Variants in PCDHGA6 observed in about 807,000 individuals in gnomAD.
PCDHGA6 encodes protocadherin gamma subfamily A, 6.
In PCDHGA6, 41 loss-of-function variants were observed where a neutral mutation model predicts 60.6. The ratio of observed to expected loss-of-function variants is 0.68; its 90% confidence interval spans 0.53 to 0.88. The LOEUF (loss-of-function observed/expected upper bound fraction) is 0.88. PCDHGA6 is among the 40% of genes least tolerant of loss of function. PCDHGA6 has a pLI of 0.00. For missense variants in PCDHGA6, 1,312 were observed against 1,203.0 expected (o/e 1.09, Z -1.34); for synonymous variants, 594 against 524.4 (o/e 1.13, Z -1.81).
intron 1 of PCDHGA6, chr5:141,390,071 C>G (rs1322880756): frequency 1.2e-6 from 2 of 1,614,084 alleles, no homozygotes; most frequent in Non-Finnish European, 1.7e-6. Flanking sequence ...AGCCTGGTCT[C>G]TGTGTTAAAT....
Position 141,491,737 on chromosome 5 carries a change from G to C in PCDHGA6, c.2425-3070G>C, listed in dbSNP as rs548808722. 1.2e-6 allele frequency: 2 copies of C among 1,600,586 alleles called. No homozygotes were observed. The highest frequency in any genetic ancestry group is 2.7e-5 in the African/African-American group (2 of 74,486). On this transcript the variant is annotated intron_variant, in intron 1 of 3. Transcript: ENST00000517434. The surrounding 1 kb of genome is among the most constrained non-coding windows in gnomAD (Gnocchi z 6.9). ...GGCGCCGCCCCGGGCGACCCCTGGG[G>C]GCGGCACTGGAGAAGCCGCCCGTCC...
intron 1 of PCDHGA6, among the ~76,000 whole-genome samples, chr5:141,438,564 T>A (rs1192918137): frequency 1.5e-5 from 2 of 137,114 alleles, no homozygotes; most frequent in Non-Finnish European, 3.1e-5. Flanking sequence ...AAGAGGCAGC[T>A]GTCTGATATA....
intron 1 of PCDHGA6, among the ~76,000 whole-genome samples, chr5:141,475,097 T>C (rs180692931): frequency 6.6e-6 from 1 of 152,370 alleles, no homozygotes; most frequent in East Asian, 1.9e-4. Context: ...TTTATAAAGA[T>C]CCTAGGTGGT....
intron 1 of PCDHGA6, chr5:141,399,447 C>CAT: frequency 6.2e-7 from 1 of 1,614,006 alleles, no homozygotes; most frequent in Non-Finnish European, 8.5e-7. Flanking sequence ...ATATCAGAGA[C>CAT]GTCAACGATA....
rs768509409 is a variant in PCDHGA6 at position 141,489,236 on chromosome 5, G to C, written c.2425-5571G>C. 1 of 1,531,176 alleles carries C rather than the reference G, an allele frequency of 6.5e-7. No homozygotes were observed. 94.8% of individuals were successfully genotyped at this position (1,531,176 alleles called of 1,614,324 possible). On this transcript the variant is annotated intron_variant, in intron 1 of 3. Transcript: ENST00000517434. The surrounding 1 kb of genome is among the most constrained non-coding windows in gnomAD (Gnocchi z 4.5). The stretch of plus-strand genomic sequence containing the variant: ...ACTTACTCTCCACAAAGGGACTTCT[G>C]GGTCATGGGGCCCAAGACACTCCCA...
rs1262043820 is a variant in PCDHGA6, at chr5:141,415,755, T to TTG, written c.2424+39249_2424+39250insGT. Reference sequence around the variant, plus strand: ...GTTTATTAAGGTTTTTTTTTTTTTTTTTTTTTTTTTTTTTTTTACTTTCTG... The same window carrying TTG: ...GTTTATTAAGGTTTTTTTTTTTTTTTTGTTTTTTTTTTTTTTTTTACTTTCTG... On this transcript the variant is annotated intron_variant, in intron 1 of 3. Transcript: ENST00000517434. 56 of 1,387,630 alleles carry TTG rather than the reference T, an allele frequency of 4.0e-5. No individual in the cohort carries two copies. The African/African-American group carries it at 7.5e-4, about 19-fold the overall frequency. The allele number at this position is 1,387,630 out of a possible 1,614,324, so 86.0% of individuals were successfully genotyped here. A position where few individuals can be genotyped will look rare whatever the true frequency, so the allele number is the denominator to read the frequency against.
intron 1 of PCDHGA6, among the ~76,000 whole-genome samples, chr5:141,381,770 A>G (rs1309418172): frequency 1.3e-5 from 2 of 151,484 alleles, no homozygotes; most frequent in Non-Finnish European, 2.9e-5. Flanking sequence ...TATATAATCA[A>G]TAATCAGGAA....
Position 141,485,616 on chromosome 5 carries a change from C to T in PCDHGA6, c.2425-9191C>T. On this transcript the variant is annotated intron_variant, in intron 1 of 3. Coordinates refer to ENST00000517434, the MANE Select transcript of PCDHGA6 (RefSeq NM_018919.3). This position sits in a 1 kb window ranked among gnomAD's most constrained non-coding sequence, Gnocchi z 5.7. ...TTGGAAATTGGGGAGGCAGCTCCTCCAGGACAGCGTTTCCCGTTGGAAAAG... is the reference window on the plus strand; with the variant it reads ...TTGGAAATTGGGGAGGCAGCTCCTCTAGGACAGCGTTTCCCGTTGGAAAAG... 1 of 1,612,210 alleles carries T rather than the reference C, an allele frequency of 6.2e-7. No individual in the cohort carries two copies.
intron 1 of PCDHGA6, chr5:141,404,208 A>G (rs1411239715): frequency 6.2e-7 from 1 of 1,613,782 alleles, no homozygotes; most frequent in Admixed American, 1.7e-5. Flanking sequence ...TCAGAATATA[A>G]TATCACGGTG....
chr5:141,376,609 C>A, intron 1 of PCDHGA6, 102 bp downstream of exon 1: 3 of 1,478,318 alleles, frequency 2.0e-6, no homozygotes, highest in Non-Finnish European at 2.8e-6. Flanking sequence ...AGAAGCGAAC[C>A]TCTTTTGGTA....
chr5:141,412,569 T>C (rs1469611879), intron 1 of PCDHGA6: 3 of 152,228 alleles, frequency 2.0e-5, no homozygotes, highest in Admixed American at 6.5e-5. Flanking sequence ...GTTTATTTAA[T>C]ATAATCTTTG....
rs1384424498 is a variant in PCDHGA6, at chr5:141,431,677, G to A, written c.2424+55170G>A. On this transcript the variant is annotated intron_variant, in intron 1 of 3. Coordinates refer to ENST00000517434, the MANE Select transcript of PCDHGA6 (RefSeq NM_018919.3). This position sits in a 1 kb window ranked among gnomAD's most constrained non-coding sequence, Gnocchi z 4.8. The stretch of plus-strand genomic sequence containing the variant: ...CAGGGACAATATCAACAATAGGGGA[G>A]TTGGACCACGAGGAGTCAGGATTCT... 2 of 1,614,236 alleles carry A rather than the reference G, an allele frequency of 1.2e-6. No homozygotes were observed. The highest frequency in any genetic ancestry group is 1.7e-6 in the Non-Finnish European group (2 of 1,180,050).
chr5:141,490,584 T>G lies in PCDHGA6; in HGVS notation c.2425-4223T>G, dbSNP rs751060540. 1 of 1,614,170 alleles carries G rather than the reference T, an allele frequency of 6.2e-7. No individual in the cohort carries two copies. Among genetic ancestry groups the G allele is most frequent in the South Asian group, 1.1e-5 (1 of 91,080 alleles). ...TCAGGCTCAACATTTCAGATGTCAA[T>G]GACAATGCACCCCGCTTCAACCAGC... On this transcript the variant is annotated intron_variant, in intron 1 of 3. Transcript: ENST00000517434. This position sits in a 1 kb window ranked among gnomAD's most constrained non-coding sequence, Gnocchi z 5.4.
Position 141,490,046 on chromosome 5 carries a change from C to A in PCDHGA6, c.2425-4761C>A, listed in dbSNP as rs2099695274. ...CTGCTCCGCCTCAATGCCACTGATC[C>A]AGACGAGGGCACCAACGGCCAACTA... On this transcript the variant is annotated intron_variant, in intron 1 of 3. Transcript: ENST00000517434. This position sits in a 1 kb window ranked among gnomAD's most constrained non-coding sequence, Gnocchi z 5.4. 1 of 1,614,094 alleles carries A rather than the reference C, an allele frequency of 6.2e-7. No individual in the cohort carries two copies.
At chr5:141,421,767 C>T in intron 1 of PCDHGA6, 2 of 1,613,906 alleles carry the variant, frequency 1.2e-6, no homozygotes, top group South Asian at 1.1e-5. Context: ...ATTACTTTTC[C>T]TTGCAACTGC....
At chr5:141,400,017 C>T in intron 1 of PCDHGA6, 1 of 1,612,778 alleles carries the variant, frequency 6.2e-7, no homozygotes. Context: ...CCTTGGGCGA[C>T]AGGGACGCGG....
At chr5:141,465,714 C>T (rs1015102102) in intron 1 of PCDHGA6, among the ~76,000 whole-genome samples, 4 of 152,200 alleles carry the variant, frequency 2.6e-5, no homozygotes, top group Non-Finnish European at 5.9e-5. Context: ...AATGCCACCA[C>T]TTCCACCTCT....
At chr5:141,409,436 C>G (rs368696166) in intron 1 of PCDHGA6, 2 of 1,613,982 alleles carry the variant, frequency 1.2e-6, no homozygotes, top group Non-Finnish European at 1.7e-6. Flanking sequence ...AGCCCTGGAC[C>G]GAGAGCAGAC....
chr5:141,420,669 G>A (rs1018355067), intron 1 of PCDHGA6, among the ~76,000 whole-genome samples: 2 of 152,202 alleles, frequency 1.3e-5, no homozygotes, highest in South Asian at 2.1e-4. Context: ...CATCCTACCT[G>A]ATGATTTTAT....
Sources: allele counts gnomAD v4.1 joint callset (sites outside exome capture counted in the v4.1 genomes callset), GRCh38; gene constraint gnomAD v4.1.1; non-coding constraint Gnocchi (gnomAD v3.1); transcripts MANE v1.5; gene names NCBI Gene and HGNC (gene_info 2026-07-23, HGNC 2026-07-21).